Variants in SRPK2 observed in about 807,000 individuals in gnomAD.
SRPK2 encodes the protein SFRS protein kinase 2.
In SRPK2, 21 loss-of-function variants were observed where a neutral mutation model predicts 90.8. The observed-to-expected ratio is 0.23, with a 90% confidence interval of 0.16 to 0.33. The LOEUF is 0.33. Ranked by LOEUF, SRPK2 falls within the 10% of genes least tolerant of loss-of-function variation. SRPK2 has a pLI of 1.00. For synonymous variants in SRPK2, 288 were observed against 311.1 expected, an observed-to-expected ratio of 0.93 and a Z score of 0.78; for missense variants, 620 against 869.0, an observed-to-expected ratio of 0.71 and a Z score of 3.60.
At chr7:105,308,978 G>A (rs1811424588) in intron 2 of SRPK2, among the ~76,000 whole-genome samples, 1 of 151,994 alleles carries the variant, frequency 6.6e-6, no homozygotes, top group East Asian at 1.9e-4. Flanking sequence ...GGGCCCTTCA[G>A]TGCTGCTTCA....
At chr7:105,159,408 A>C (rs1285379863) in intron 7 of SRPK2, among the ~76,000 whole-genome samples, 2 of 128,162 alleles carry the variant, frequency 1.6e-5, no homozygotes, top group African/African-American at 6.0e-5. Context: ...AGATTGCACC[A>C]CTTCACTCCA....
chr7:105,302,813 T>C (rs1810707000), intron 2 of SRPK2, among the ~76,000 whole-genome samples: 2 of 152,136 alleles, frequency 1.3e-5, no homozygotes, highest in Non-Finnish European at 2.9e-5. Flanking sequence ...CCTTAAAACA[T>C]TTCTCTTGCA....
Position 105,203,788 on chromosome 7 carries a change from G to A in SRPK2, c.72-3C>T. 5 of 1,570,070 alleles carry A rather than the reference G, an allele frequency of 3.2e-6. No homozygotes were observed. The highest frequency in any genetic ancestry group is 4.3e-6 in the Non-Finnish European group (5 of 1,157,116). Reference sequence around the variant, plus strand: ...GAGCTTTCTGTTGAGGCTCCGGCCTGAAAGAGCAGAGAGAAAATTGCTATT... The same window carrying A: ...GAGCTTTCTGTTGAGGCTCCGGCCTAAAAGAGCAGAGAGAAAATTGCTATT... On this transcript the variant is annotated splice_region_variant and splice_polypyrimidine_tract_variant and intron_variant, in intron 2 of 15. Coordinates refer to ENST00000393651, the MANE Select transcript of SRPK2 (RefSeq NM_182692.3).
chr7:105,368,122 T>A (rs922936404), intron 2 of SRPK2, among the ~76,000 whole-genome samples: 12 of 152,360 alleles, frequency 7.9e-5, no homozygotes, highest in Admixed American at 7.8e-4. Flanking sequence ...TTACTGGTCA[T>A]GCCTACAGGG....
At chr7:105,383,361 C>G (rs1357780239) in intron 2 of SRPK2, among the ~76,000 whole-genome samples, 1 of 150,748 alleles carries the variant, frequency 6.6e-6, no homozygotes, top group South Asian at 2.1e-4. Flanking sequence ...GCCACCGCAC[C>G]CGGCCTCAAA....
At chr7:105,235,396 C>T (rs1000810630) in intron 2 of SRPK2, among the ~76,000 whole-genome samples, 1 of 152,142 alleles carries the variant, frequency 6.6e-6, no homozygotes, top group Non-Finnish European at 1.5e-5. Flanking sequence ...ATCAGTAAAG[C>T]CATCTCTTTA....
At chr7:105,358,315 C>T (rs1818035294) in intron 2 of SRPK2, among the ~76,000 whole-genome samples, 1 of 150,898 alleles carries the variant, frequency 6.6e-6, no homozygotes, top group Non-Finnish European at 1.5e-5. Context: ...GTAGATAACA[C>T]ACATTTTGTA....
At chr7:105,164,540 C>A (rs960175649) in intron 6 of SRPK2, among the ~76,000 whole-genome samples, 12 of 152,192 alleles carry the variant, frequency 7.9e-5, no homozygotes, top group Admixed American at 2.0e-4. Flanking sequence ...ATTCCTAAGA[C>A]CCCTGGTTCT....
Position 105,363,389 on chromosome 7 carries a change from AAAG to A in SRPK2, c.71+25256_71+25258del, listed in dbSNP as rs1286152433. Among the ~76,000 whole-genome samples the A allele has an allele frequency of 1.4e-4, 21 of 152,190 alleles. 1 individual carries two copies. The highest frequency in any genetic ancestry group is 3.9e-4 in the Admixed American group (6 of 15,260). On this transcript the variant is annotated intron_variant, in intron 2 of 15. Transcript: ENST00000393651. Reference sequence around the variant, plus strand: ...AAAGGATATGAACAGACACTTCTCAAAAGAAGACATTTATGCAACCAACAGACA... The same window carrying A: ...AAAGGATATGAACAGACACTTCTCAAAAGACATTTATGCAACCAACAGACA...
chr7:105,371,739 T>C (rs949301898), intron 2 of SRPK2, among the ~76,000 whole-genome samples: 1 of 152,024 alleles, frequency 6.6e-6, no homozygotes, highest in African/African-American at 2.4e-5. Flanking sequence ...AAAGAAATGC[T>C]ATAATGCTAA....
intron 2 of SRPK2, among the ~76,000 whole-genome samples, chr7:105,310,956 T>C (rs1189065425): frequency 2.0e-5 from 3 of 152,194 alleles, no homozygotes; most frequent in African/African-American, 2.4e-5. Context: ...TCAGACTTTT[T>C]ACACCCTTTC....
chr7:105,269,559 A>G (rs538849653), intron 2 of SRPK2, among the ~76,000 whole-genome samples: 1 of 152,206 alleles, frequency 6.6e-6, no homozygotes, highest in African/African-American at 2.4e-5. Flanking sequence ...CAGAGATAAT[A>G]TATTTGTCCT....
At chr7:105,337,038 G>A (rs1815175459) in intron 2 of SRPK2, among the ~76,000 whole-genome samples, 1 of 152,138 alleles carries the variant, frequency 6.6e-6, no homozygotes, top group African/African-American at 2.4e-5. Context: ...CTGACCTCAA[G>A]TGAGCCACCC....
chr7:105,290,044 T>G (rs1034910845), intron 2 of SRPK2, among the ~76,000 whole-genome samples: 1 of 152,242 alleles, frequency 6.6e-6, no homozygotes, highest in East Asian at 1.9e-4. Flanking sequence ...CTAAACTCAC[T>G]GTCTTATATG....
At chr7:105,212,517 G>A (rs1172628757) in intron 2 of SRPK2, among the ~76,000 whole-genome samples, 2 of 152,164 alleles carry the variant, frequency 1.3e-5, no homozygotes, top group East Asian at 1.9e-4. Context: ...AACTAATCTG[G>A]TATGACTGGA....
chr7:105,206,339 C>T (rs1461869234), intron 2 of SRPK2: 1 of 188,626 alleles, frequency 5.3e-6, no homozygotes, highest in African/African-American at 2.3e-5. Context: ...CCACCATTTT[C>T]TCTCACTTGA....
At chr7:105,140,296 G>T (rs1444454366) in intron 11 of SRPK2, among the ~76,000 whole-genome samples, 1 of 152,166 alleles carries the variant, frequency 6.6e-6, no homozygotes, top group Admixed American at 6.5e-5. Flanking sequence ...TGCAAAATAA[G>T]TATGAATAAA....
Position 105,178,028 on chromosome 7 carries a change from CAAA to C in SRPK2, c.230-8766_230-8764del, listed in dbSNP as rs748165970. ...TGGGCGACTGAGCGAGACTCCGTCT[CAAA>C]AAAAAAAAAAAAAAAAAATTCACAA... On this transcript the variant is annotated intron_variant, in intron 3 of 15. Transcript: ENST00000393651. Among the ~76,000 whole-genome samples the C allele has an allele frequency of 7.2e-3, 410 of 57,106 alleles. 11 individuals are homozygous for C. In the East Asian group the frequency reaches 0.13, roughly 18 times the overall value. 37.5% of individuals were successfully genotyped at this position (57,106 alleles called of 152,430 possible). A position where few individuals can be genotyped will look rare whatever the true frequency, so the allele number is the denominator to read the frequency against.
chr7:105,236,233 G>A (rs1051767092), intron 2 of SRPK2, among the ~76,000 whole-genome samples: 19 of 152,172 alleles, frequency 1.2e-4, no homozygotes, highest in Non-Finnish European at 1.5e-5. Context: ...TATCTTTCAG[G>A]AGTTTAGGAC....
Sources: allele counts gnomAD v4.1 joint callset (sites outside exome capture counted in the v4.1 genomes callset), GRCh38; gene constraint gnomAD v4.1.1; transcripts MANE v1.5; gene names NCBI Gene and HGNC (gene_info 2026-07-23, HGNC 2026-07-21).